The following STIM2 variants were observed in gnomAD, a reference collection of about 807,000 sequenced individuals.
STIM2 encodes the protein stromal interaction molecule 2.
Under a neutral mutation model 85.8 loss-of-function variants are expected in STIM2, and 31 were observed. That is an observed-to-expected ratio of 0.36 (90% CI 0.27 to 0.49). The LOEUF is 0.49. Ranked by LOEUF, STIM2 falls within the 20% of genes least tolerant of loss-of-function variation. The pLI is 0.98. For missense variants in STIM2, 841 were observed against 927.6 expected, an observed-to-expected ratio of 0.91 and a Z score of 1.21; for synonymous variants, 356 against 331.1, an observed-to-expected ratio of 1.08 and a Z score of -0.82.
chr4:26,865,993 T>C (rs1475766145), intron 1 of STIM2, among the ~76,000 whole-genome samples: 3 of 152,262 alleles, frequency 2.0e-5, no homozygotes, highest in East Asian at 3.9e-4. Flanking sequence ...GCTACTGTTT[T>C]TTTTTTTCCT....
At chr4:27,013,948 G>C (rs1475077344) in intron 10 of STIM2, among the ~76,000 whole-genome samples, 1 of 151,960 alleles carries the variant, frequency 6.6e-6, no homozygotes, top group African/African-American at 2.4e-5. Context: ...ATGATTAAAA[G>C]TGTAGATTTG....
At chr4:26,928,905 A>G (rs1351048311) in intron 2 of STIM2, among the ~76,000 whole-genome samples, 3 of 152,194 alleles carry the variant, frequency 2.0e-5, no homozygotes, top group African/African-American at 7.2e-5. Flanking sequence ...AGAAGATGAT[A>G]TCTTTCTGTA....
intron 2 of STIM2, among the ~76,000 whole-genome samples, chr4:26,922,042 T>C (rs561078128): frequency 1.1e-4 from 16 of 152,306 alleles, no homozygotes; most frequent in African/African-American, 3.8e-4. Flanking sequence ...GTATTTGAAC[T>C]GTATATTCTG....
At chr4:26,953,857 A>G (rs1726147750) in intron 2 of STIM2, among the ~76,000 whole-genome samples, 1 of 152,156 alleles carries the variant, frequency 6.6e-6, no homozygotes, top group Admixed American at 6.6e-5. Context: ...GTCCAGAGCC[A>G]TGGCCAAGTG....
In STIM2 at chr4:26,861,208, G is replaced by T. The variant is rs369465468; in HGVS notation, c.-11G>T. The T allele has an allele frequency of 1.7e-4, 245 of 1,468,722 alleles. 1 individual carries two copies. The African/African-American group carries it at 3.1e-3, about 19-fold the overall frequency. 91.0% of individuals were successfully genotyped at this position (1,468,722 alleles called of 1,614,324 possible). On this transcript the variant is annotated 5_prime_UTR_variant, in exon 1 of 12. Coordinates refer to ENST00000467087, the MANE Select transcript of STIM2 (RefSeq NM_020860.4). Reference sequence around the variant, plus strand: ...TGGGGCTGGCTGCTGCGGCGGCGGCGCTGGGCTGCGTTGCTGGTGCTCGGG... The same window carrying T: ...TGGGGCTGGCTGCTGCGGCGGCGGCTCTGGGCTGCGTTGCTGGTGCTCGGG...
chr4:26,979,015 T>A (rs563293798), intron 3 of STIM2, among the ~76,000 whole-genome samples: 1 of 152,326 alleles, frequency 6.6e-6, no homozygotes, highest in South Asian at 2.1e-4. Context: ...CACTCTGAAT[T>A]TTACGGTAAT....
At chr4:26,974,234 A>G (rs1171071871) in intron 3 of STIM2, among the ~76,000 whole-genome samples, 4 of 152,148 alleles carry the variant, frequency 2.6e-5, no homozygotes, top group South Asian at 2.1e-4. Context: ...GCCCTTTTAT[A>G]TTTAAGGTTA....
Position 27,023,079 on chromosome 4 carries a change from T to C in STIM2, c.*83T>C. 2 of 1,387,772 alleles carry C rather than the reference T, an allele frequency of 1.4e-6. No individual in the cohort carries two copies. The highest frequency in any genetic ancestry group is 2.3e-5 in the East Asian group (1 of 43,772). The allele number at this position is 1,387,772 out of a possible 1,614,324, so 86.0% of individuals were successfully genotyped here. ...CCTCCACTCCCCACCTTTTTTTTGG[T>C]TTAATTTTAGGAATGTAACTCCATT... On this transcript the variant is annotated 3_prime_UTR_variant, in exon 12 of 12. Transcript: ENST00000467087.
At chr4:26,985,813 C>T (rs1727562331) in intron 3 of STIM2, among the ~76,000 whole-genome samples, 1 of 152,072 alleles carries the variant, frequency 6.6e-6, no homozygotes, top group Non-Finnish European at 1.5e-5. Context: ...ATTAACAAGC[C>T]AGTTGCTTTC....
intron 6 of STIM2, 36 bp from the exon 7 acceptor site, chr4:27,002,891 T>C: frequency 6.8e-7 from 1 of 1,470,460 alleles, no homozygotes; most frequent in Non-Finnish European, 9.0e-7. Context: ...AACTGGAAAT[T>C]TTTGTGAGGA....
intron 3 of STIM2, among the ~76,000 whole-genome samples, chr4:26,973,368 G>A (rs536640649): frequency 1.5e-3 from 231 of 152,132 alleles, no homozygotes; most frequent in African/African-American, 5.3e-3. Context: ...TTTCTCTTGT[G>A]GGCATTTAGT....
intron 3 of STIM2, among the ~76,000 whole-genome samples, chr4:26,989,113 A>G (rs749968885): frequency 6.6e-6 from 1 of 151,946 alleles, no homozygotes; most frequent in Non-Finnish European, 1.5e-5. Flanking sequence ...TTTTGTATTT[A>G]TAGTAGAGAC....
At chr4:27,017,194 G>A (rs1257446058) in intron 10 of STIM2, among the ~76,000 whole-genome samples, 1 of 152,148 alleles carries the variant, frequency 6.6e-6, no homozygotes, top group Non-Finnish European at 1.5e-5. Context: ...CACAGTAGTG[G>A]GTGTTCAAGA....
chr4:26,981,969 C>CT (rs143405031), intron 3 of STIM2, among the ~76,000 whole-genome samples: 81,564 of 147,608 alleles, frequency 0.55, 23,376 homozygotes, highest in South Asian at 0.65. Context: ...ATGTGTAATT[C>CT]TTTTTTTTTT....
At chr4:26,973,366 G>A (rs956478545) in intron 3 of STIM2, among the ~76,000 whole-genome samples, 169 of 152,222 alleles carry the variant, frequency 1.1e-3, no homozygotes, top group African/African-American at 3.9e-3. Context: ...GCTTTCTCTT[G>A]TGGGCATTTA....
chr4:26,882,190 G>C (rs556151085), intron 1 of STIM2, among the ~76,000 whole-genome samples: 1 of 152,308 alleles, frequency 6.6e-6, no homozygotes, highest in Non-Finnish European at 1.5e-5. Flanking sequence ...CTAATGAGAA[G>C]ATGAAGACTG....
intron 1 of STIM2, among the ~76,000 whole-genome samples, chr4:26,916,474 G>A (rs1294887526): frequency 1.3e-5 from 2 of 152,120 alleles, no homozygotes; most frequent in Non-Finnish European, 2.9e-5. Flanking sequence ...GTCACCAGAG[G>A]GATCTGGTGA....
At chr4:27,020,973 C>CA in intron 11 of STIM2, 1 of 1,533,614 alleles carries the variant, frequency 6.5e-7, no homozygotes. Context: ...TTTCATTTCT[C>CA]AATCATTTCC....
At chr4:26,985,984 G>GGCT (rs1488946661) in intron 3 of STIM2, among the ~76,000 whole-genome samples, 26 of 152,114 alleles carry the variant, frequency 1.7e-4, no homozygotes, top group African/African-American at 5.3e-4. Context: ...TGGTGAATTC[G>GGCT]GCTGTATCTT....
Sources: allele counts gnomAD v4.1 joint callset (sites outside exome capture counted in the v4.1 genomes callset), GRCh38; gene constraint gnomAD v4.1.1; transcripts MANE v1.5; gene names NCBI Gene and HGNC (gene_info 2026-07-23, HGNC 2026-07-21).